Variants in SHTN1 observed in about 807,000 individuals in gnomAD.
SHTN1 encodes shootin-1.
SHTN1 carries 42 observed loss-of-function variants against 83.1 expected under a neutral mutation model. The ratio of observed to expected loss-of-function variants is 0.51; its 90% CI spans 0.39 to 0.65. The LOEUF is 0.65. Among genes scored for constraint, SHTN1 ranks in the 30% least tolerant of loss-of-function variants. SHTN1 has a pLI of 0.00. For synonymous variants in SHTN1, 224 were observed against 247.7 expected (o/e 0.90, Z 0.90); for missense variants, 622 against 737.8 (o/e 0.84, Z 1.82).
chr10:117,016,029 G>C (rs1040726658), intron 2 of SHTN1, among the ~76,000 whole-genome samples: 2 of 152,086 alleles, frequency 1.3e-5, no homozygotes, highest in African/African-American at 4.8e-5. Context: ...TAGCATTTTT[G>C]AACCACACAT....
chr10:116,942,545 T>G (rs752299426), intron 8 of SHTN1, among the ~76,000 whole-genome samples: 1 of 152,170 alleles, frequency 6.6e-6, no homozygotes, highest in African/African-American at 2.4e-5. Context: ...AAATTTAAAA[T>G]TTTAATATAG....
chr10:116,998,730 G>A (rs1326688477), intron 1 of SHTN1, among the ~76,000 whole-genome samples: 1 of 152,054 alleles, frequency 6.6e-6, no homozygotes, highest in Non-Finnish European at 1.5e-5. Flanking sequence ...AGATGCCCTA[G>A]GCTCATCTTG....
At chr10:116,911,947 T>C in intron 13 of SHTN1, 104 bp from the exon 14 acceptor site, 1 of 803,596 alleles carries the variant, frequency 1.2e-6, no homozygotes, top group South Asian at 1.5e-5. Flanking sequence ...ATTGGTAATA[T>C]GTATGACTAT....
At chr10:116,892,844 C>A (rs1847380239) in intron 16 of SHTN1, among the ~76,000 whole-genome samples, 1 of 152,258 alleles carries the variant, frequency 6.6e-6, no homozygotes, top group East Asian at 1.9e-4. Flanking sequence ...CTCCACTATA[C>A]ACAAATAAAA....
chr10:116,986,760 G>T (rs1205701879), intron 1 of SHTN1, among the ~76,000 whole-genome samples: 2 of 117,038 alleles, frequency 1.7e-5, no homozygotes, highest in Admixed American at 2.4e-4. Flanking sequence ...GTGTCGCTCT[G>T]TCACCCAGGC....
chr10:117,073,995 C>G (rs556016398), intron 1 of SHTN1, among the ~76,000 whole-genome samples: 16 of 152,156 alleles, frequency 1.1e-4, no homozygotes, highest in Non-Finnish European at 8.8e-5. Context: ...TTGAATGGGG[C>G]AGGGGCAGAG....
intron 1 of SHTN1, among the ~76,000 whole-genome samples, chr10:117,123,978 A>C (rs1387071864): frequency 1.3e-5 from 2 of 151,686 alleles, no homozygotes; most frequent in South Asian, 4.2e-4. Flanking sequence ...TTGGGAGGCC[A>C]AGGTGGGAGG....
intron 1 of SHTN1, among the ~76,000 whole-genome samples, chr10:117,093,147 A>G (rs1485740439): frequency 6.6e-6 from 1 of 152,192 alleles, no homozygotes; most frequent in East Asian, 1.9e-4. Flanking sequence ...CTGAGTATAT[A>G]CTACCATCAT....
chr10:116,956,620 T>C (rs1456472831), intron 4 of SHTN1, among the ~76,000 whole-genome samples: 2 of 152,202 alleles, frequency 1.3e-5, no homozygotes, highest in African/African-American at 4.8e-5. Flanking sequence ...TCCTCCAGGA[T>C]ACTCAAGAAA....
intron 14 of SHTN1, among the ~76,000 whole-genome samples, chr10:116,908,608 A>AT (rs1296960393): frequency 6.6e-6 from 1 of 152,202 alleles, no homozygotes; most frequent in East Asian, 1.9e-4. Flanking sequence ...AAACTACTAC[A>AT]TTGTTTCAAT....
At chr10:116,912,668 C>T (rs1848244858) in intron 13 of SHTN1, among the ~76,000 whole-genome samples, 1 of 152,054 alleles carries the variant, frequency 6.6e-6, no homozygotes, top group African/African-American at 2.4e-5. Flanking sequence ...AGCATGAGGA[C>T]CTCATGAAAA....
At chr10:117,106,419 C>T (rs1049626362) in intron 1 of SHTN1, among the ~76,000 whole-genome samples, 2 of 152,200 alleles carry the variant, frequency 1.3e-5, no homozygotes, top group Admixed American at 1.3e-4. Context: ...TGCGCCACTG[C>T]ACTCTAGCCT....
rs557484478 is a variant in SHTN1, at chr10:116,912,074, A to G, written c.1306-231T>C. Among the ~76,000 whole-genome samples the G allele has an allele frequency of 1.6e-4, 25 of 152,352 alleles. No individual in the cohort carries two copies. The East Asian group carries it at 3.7e-3, about 22-fold the overall frequency. On this transcript the variant is annotated intron_variant, in intron 13 of 16. Transcript: ENST00000355371. ...AGTTATATTCAAAGCAAAAGGAGAC[A>G]AGCTACCCTCTTCTAAATACCATAT...
At chr10:117,090,923 A>G (rs1368961256) in intron 1 of SHTN1, among the ~76,000 whole-genome samples, 2 of 152,194 alleles carry the variant, frequency 1.3e-5, no homozygotes, top group Admixed American at 1.3e-4. Flanking sequence ...TCTGTTCCCA[A>G]GACTTTTTCT....
intron 2 of SHTN1, among the ~76,000 whole-genome samples, chr10:117,012,631 TGAAACA>T (rs1310847282): frequency 1.3e-5 from 2 of 152,026 alleles, no homozygotes; most frequent in Non-Finnish European, 2.9e-5. Flanking sequence ...ATGTAAAACC[TGAAACA>T]GTAAAACTTT....
chr10:116,898,035 T>C (rs1354508088), intron 16 of SHTN1, among the ~76,000 whole-genome samples: 2 of 152,044 alleles, frequency 1.3e-5, no homozygotes, highest in Non-Finnish European at 1.5e-5. Flanking sequence ...TTTTAAAAAG[T>C]CTATAATTTA....
chr10:117,099,020 A>ACACACACACT (rs1853549760), intron 1 of SHTN1, among the ~76,000 whole-genome samples: 1 of 149,220 alleles, frequency 6.7e-6, no homozygotes, highest in African/African-American at 2.6e-5. Context: ...ACACACACAC[A>ACACACACACT]CACACACACA....
chr10:116,911,754 C>CATT (rs1402824553), intron 14 of SHTN1, 36 bp downstream of exon 14: 1 of 1,584,594 alleles, frequency 6.3e-7, no homozygotes, highest in East Asian at 2.2e-5. Flanking sequence ...TTTCATTTCC[C>CATT]CATTAGCTAA....
intron 7 of SHTN1, among the ~76,000 whole-genome samples, chr10:116,946,500 T>C (rs1849587410): frequency 7.1e-6 from 1 of 141,830 alleles, no homozygotes; most frequent in South Asian, 2.2e-4. Context: ...TATATAAATA[T>C]ATAAAATGAT....
Sources: allele counts gnomAD v4.1 joint callset (sites outside exome capture counted in the v4.1 genomes callset), GRCh38; gene constraint gnomAD v4.1.1; transcripts MANE v1.5; gene names NCBI Gene and HGNC (gene_info 2026-07-23, HGNC 2026-07-21).